The following NSUN6 variants were observed in gnomAD, a reference collection of about 807,000 sequenced individuals.
The protein encoded by NSUN6 is tRNA (cytosine(72)-C(5))-methyltransferase NSUN6.
NSUN6 carries 64 observed loss-of-function variants against 58.0 expected under a neutral mutation model. The ratio of observed to expected loss-of-function variants is 1.10; its 90% CI spans 0.90 to 1.36. The LOEUF (loss-of-function observed/expected upper bound fraction) is 1.36. Among genes scored for constraint, NSUN6 ranks in the 40% most tolerant of loss-of-function variants. The pLI is 0.00. For synonymous variants in NSUN6, 231 were observed against 193.9 expected (o/e 1.19, Z -1.59); for missense variants, 701 against 550.1 (o/e 1.27, Z -2.74).
intron 8 of NSUN6, among the ~76,000 whole-genome samples, chr10:18,563,873 T>C (rs1014419634): frequency 6.6e-6 from 1 of 151,164 alleles, no homozygotes; most frequent in Admixed American, 6.6e-5. Flanking sequence ...CCATATTCCA[T>C]TCCATTCTCC....
rs1328437221 is a variant in NSUN6 at position 18,648,623 on chromosome 10, T to C, written c.98A>G (p.Gln33Arg). 8 of 1,600,044 alleles carry C rather than the reference T, an allele frequency of 5.0e-6. 1 individual carries two copies. In the South Asian group the frequency reaches 8.9e-5, roughly 18 times the overall value. Reference protein sequence around the residue: ...NKEIVTALGKQEAERKFETLL... With the variant: ...NKEIVTALGKREAERKFETLL... ...AGTTTCAAACTTCCTTTCTGCTTCTTGTTTACCTAAAGCAGTCACAATCTA... is the reference window on the plus strand; with the variant it reads ...AGTTTCAAACTTCCTTTCTGCTTCTCGTTTACCTAAAGCAGTCACAATCTA... The change falls in exon 2 of 11, where the codon CAA (glutamine) becomes CGA (arginine). Residue 33 changes from glutamine to arginine, a missense_variant. Gln to Arg is a conservative substitution (Grantham distance 43). Coordinates refer to ENST00000377304, the MANE Select transcript of NSUN6 (RefSeq NM_182543.5).
At chr10:18,620,309 G>C (rs140210003) in intron 3 of NSUN6, among the ~76,000 whole-genome samples, 1 of 152,074 alleles carries the variant, frequency 6.6e-6, no homozygotes, top group Admixed American at 6.5e-5. Context: ...GGATAGTCTC[G>C]ATCTCCTGAC....
At chr10:18,582,828 T>G (rs2056965204) in intron 8 of NSUN6, among the ~76,000 whole-genome samples, 1 of 152,212 alleles carries the variant, frequency 6.6e-6, no homozygotes, top group African/African-American at 2.4e-5. Context: ...ACATCTCAGC[T>G]GCACATGCTG....
chr10:18,596,265 G>C lies in NSUN6; in HGVS notation c.720C>G (p.Asp240Glu). ...LNPQPGEKIL[D>E]LCAAPGGKTT... ...TTTTCCCTCCAGGTGCTGCACACAA[G>C]TCTAGAATCTTCTCTCCAGGTTGAG... is the stretch of plus-strand genomic sequence containing the variant. The change falls in exon 7 of 11, where the codon GAC becomes GAG. Residue 240 changes from aspartate to glutamate, a missense_variant. Physicochemically the swap from Asp to Glu is conservative, Grantham distance 45. Transcript: ENST00000377304. 2 of 1,606,490 alleles carry C rather than the reference G, an allele frequency of 1.2e-6. No homozygotes were observed. Among genetic ancestry groups the C allele is most frequent in the South Asian group, 1.1e-5 (1 of 90,916 alleles).
At position 18,651,195 on chromosome 10, in the gene NSUN6, A is replaced by T; in HGVS notation, c.9T>A (p.Ile3=). ...CAGGTCTCAAAGATATCTTAGGGAA[A>T]ATAGACATTTTTCCTGTTGTTTAGT... MS[I]FPKISLRPEV... Residue 3 remains isoleucine, a synonymous_variant, in exon 1 of 11, where the codon ATT becomes ATA. Coordinates refer to ENST00000377304, the MANE Select transcript of NSUN6 (RefSeq NM_182543.5). 6.4e-7 allele frequency: 1 copy of T among 1,566,434 alleles called. No homozygotes were observed. The highest frequency in any genetic ancestry group is 8.6e-7 in the Non-Finnish European group (1 of 1,164,458).
chr10:18,566,598 C>T (rs2055972767), intron 8 of NSUN6, among the ~76,000 whole-genome samples: 1 of 151,100 alleles, frequency 6.6e-6, no homozygotes, highest in Non-Finnish European at 1.5e-5. Flanking sequence ...CCATTCCATT[C>T]CATTCTCCAG....
intron 4 of NSUN6, 111 bp downstream of exon 4, chr10:18,616,073 C>T (rs1407128547): frequency 2.3e-5 from 15 of 654,850 alleles, no homozygotes; most frequent in Non-Finnish European, 3.7e-5. Flanking sequence ...GAAAAATACC[C>T]GACCAAGAAA....
chr10:18,555,113 A>C (rs1183123435), intron 8 of NSUN6, among the ~76,000 whole-genome samples: 1 of 150,668 alleles, frequency 6.6e-6, no homozygotes, highest in Non-Finnish European at 1.5e-5. Context: ...GAAGAATGGC[A>C]TGAAAGGAAA....
At chr10:18,569,334 T>G (rs2056197706) in intron 8 of NSUN6, among the ~76,000 whole-genome samples, 2 of 150,748 alleles carry the variant, frequency 1.3e-5, no homozygotes. Flanking sequence ...CACCATTGCA[T>G]TTCATTCCAT....
rs1276705375 is a variant in NSUN6, at chr10:18,615,058, T to A, written c.422-445A>T. Among the ~76,000 whole-genome samples the A allele has an allele frequency of 2.6e-5, 4 of 151,742 alleles. No individual in the cohort carries two copies. The South Asian group carries it at 6.2e-4, about 24-fold the overall frequency. ...CCTGTTTGTATTTGCTATTTTGATA[T>A]GACAGCACGATTAAGGCAGACTTTA... On this transcript the variant is annotated intron_variant, in intron 4 of 10. Coordinates refer to ENST00000377304, the MANE Select transcript of NSUN6 (RefSeq NM_182543.5).
At chr10:18,559,596 T>C (rs984658539) in intron 8 of NSUN6, among the ~76,000 whole-genome samples, 1 of 148,700 alleles carries the variant, frequency 6.7e-6, no homozygotes, top group African/African-American at 2.5e-5. Context: ...TGGAATGGAA[T>C]GGAGAATGGA....
At chr10:18,569,123 T>C (rs527819776) in intron 8 of NSUN6, among the ~76,000 whole-genome samples, 1 of 149,564 alleles carries the variant, frequency 6.7e-6, no homozygotes, top group Admixed American at 6.7e-5. Flanking sequence ...ATCCGTTACA[T>C]TCTCCATTCC....
At chr10:18,599,625 A>G (rs1310163213) in intron 6 of NSUN6, among the ~76,000 whole-genome samples, 2 of 152,174 alleles carry the variant, frequency 1.3e-5, no homozygotes, top group Non-Finnish European at 1.5e-5. Flanking sequence ...ATAGCTGCAC[A>G]TTAGAATCAC....
intron 3 of NSUN6, among the ~76,000 whole-genome samples, chr10:18,624,287 T>A (rs1479431160): frequency 6.6e-6 from 1 of 151,636 alleles, no homozygotes; most frequent in Non-Finnish European, 1.5e-5. Flanking sequence ...ATTTTAGAGA[T>A]AAGAAAAGCA....
chr10:18,649,021 A>C (rs954329568), intron 1 of NSUN6, among the ~76,000 whole-genome samples: 1 of 152,208 alleles, frequency 6.6e-6, no homozygotes, highest in Admixed American at 6.5e-5. Context: ...ATTATATCCA[A>C]GTTAGTTGGA....
chr10:18,651,571 C>T lies in NSUN6; in HGVS notation c.-368G>A. 1.0e-6 allele frequency: 1 copy of T among 996,506 alleles called. No homozygotes were observed. Among genetic ancestry groups the T allele is most frequent in the Non-Finnish European group, 1.2e-6 (1 of 837,606 alleles). 61.7% of individuals were successfully genotyped at this position (996,506 alleles called of 1,614,324 possible). A position where few individuals can be genotyped will look rare whatever the true frequency, so the allele number is the denominator to read the frequency against. On this transcript the variant is annotated 5_prime_UTR_variant, in exon 1 of 11. Coordinates refer to ENST00000377304, the MANE Select transcript of NSUN6 (RefSeq NM_182543.5). ...AAGCCAGGCTGACAGCAGCTCGGTCCCTTTATCTTTTCTATCAATTTCCAA... is the reference window on the plus strand; with the variant it reads ...AAGCCAGGCTGACAGCAGCTCGGTCTCTTTATCTTTTCTATCAATTTCCAA...
intron 3 of NSUN6, among the ~76,000 whole-genome samples, chr10:18,628,488 T>C (rs570886953): frequency 7.2e-5 from 11 of 152,144 alleles, no homozygotes; most frequent in East Asian, 3.9e-4. Flanking sequence ...ACCAAAGGCA[T>C]TGAAGTTGAA....
intron 8 of NSUN6, among the ~76,000 whole-genome samples, chr10:18,563,322 AT>A (rs2055681196): frequency 6.6e-6 from 1 of 151,034 alleles, no homozygotes; most frequent in South Asian, 2.1e-4. Flanking sequence ...GGAGAATGTA[AT>A]TGATTACAGA....
intron 8 of NSUN6, among the ~76,000 whole-genome samples, chr10:18,582,944 T>C (rs778635066): frequency 2.0e-5 from 3 of 152,158 alleles, no homozygotes; most frequent in Non-Finnish European, 4.4e-5. Flanking sequence ...GTTGTTACGA[T>C]GTATTTGTCA....
Sources: allele counts gnomAD v4.1 joint callset (sites outside exome capture counted in the v4.1 genomes callset), GRCh38; gene constraint gnomAD v4.1.1; transcripts MANE v1.5; gene names NCBI Gene and HGNC (gene_info 2026-07-23, HGNC 2026-07-21).